ST8SIA5: variants seen among roughly 807,000 people sequenced by gnomAD.
ST8SIA5 encodes the protein ST8 alpha-N-acetyl-neuraminide alpha-2,8-sialyltransferase 5, also known as alpha-2,8-sialyltransferase 8E.
In ST8SIA5, 24 loss-of-function variants were observed where a neutral mutation model predicts 40.2. The ratio of observed to expected loss-of-function variants is 0.60; its 90% CI spans 0.43 to 0.84. The LOEUF (loss-of-function observed/expected upper bound fraction) is 0.84, where lower values mean the gene tolerates loss of function less well. ST8SIA5 is among the 40% of genes least tolerant of loss of function. ST8SIA5 has a pLI of 0.00. For synonymous variants in ST8SIA5, 198 were observed against 201.8 expected (o/e 0.98, Z 0.16); for missense variants, 465 against 498.5 (o/e 0.93, Z 0.64).
At chr18:46,701,840 C>T (rs1640830931) in intron 2 of ST8SIA5, among the ~76,000 whole-genome samples, 1 of 152,168 alleles carries the variant, frequency 6.6e-6, no homozygotes, top group Admixed American at 6.5e-5. Flanking sequence ...AGAAACTATA[C>T]ATTTTATAAT....
intron 2 of ST8SIA5, among the ~76,000 whole-genome samples, chr18:46,699,146 C>T (rs1306587766): frequency 1.3e-5 from 2 of 152,118 alleles, no homozygotes; most frequent in African/African-American, 2.4e-5. Context: ...ATGACAGAAG[C>T]GATAGGCTGG....
intron 1 of ST8SIA5, among the ~76,000 whole-genome samples, chr18:46,720,133 T>C (rs1390821130): frequency 6.6e-6 from 1 of 152,132 alleles, no homozygotes; most frequent in Non-Finnish European, 1.5e-5. Context: ...GCCACCATGC[T>C]TGGCTTTGAC....
chr18:46,725,723 T>C (rs2039911131), intron 1 of ST8SIA5, among the ~76,000 whole-genome samples: 1 of 151,914 alleles, frequency 6.6e-6, no homozygotes, highest in African/African-American at 2.4e-5. Context: ...CAATGTATTA[T>C]ATAATTTAAA....
At chr18:46,726,773 G>A (rs528812505) in intron 1 of ST8SIA5, among the ~76,000 whole-genome samples, 2 of 152,158 alleles carry the variant, frequency 1.3e-5, no homozygotes, top group South Asian at 4.2e-4. Flanking sequence ...AAAAAAATTA[G>A]CCCAGTGTGG....
At chr18:46,753,305 G>A (rs937330176) in intron 1 of ST8SIA5, among the ~76,000 whole-genome samples, 7 of 152,338 alleles carry the variant, frequency 4.6e-5, no homozygotes, top group Non-Finnish European at 7.3e-5. Flanking sequence ...GGGCGCAGTG[G>A]CTCATGCCTG....
chr18:46,701,510 C>T (rs1180005211), intron 2 of ST8SIA5, among the ~76,000 whole-genome samples: 2 of 151,980 alleles, frequency 1.3e-5, no homozygotes, highest in Non-Finnish European at 2.9e-5. Context: ...TGACTGATGC[C>T]CTTACAAAGA....
rs2042081570 is a variant in ST8SIA5 at position 46,674,340 on chromosome 18, G to A, written c.*5702C>T. On this transcript the variant is annotated 3_prime_UTR_variant, in exon 7 of 7. Coordinates refer to ENST00000315087, the MANE Select transcript of ST8SIA5 (RefSeq NM_013305.6). ...GGGAAAACAAAAAGAGGCTAGCCAAGCCCATAAGCCCCCACTAGACAGACA... is the reference window on the plus strand; with the variant it reads ...GGGAAAACAAAAAGAGGCTAGCCAAACCCATAAGCCCCCACTAGACAGACA... The A allele has an allele frequency of 6.6e-6, 1 of 152,212 alleles. No individual in the cohort carries two copies. The highest frequency in any genetic ancestry group is 1.5e-5 in the Non-Finnish European group (1 of 68,048). The allele number at this position is 152,212 out of a possible 1,614,324, so 9.4% of individuals were successfully genotyped here. A position where few individuals can be genotyped will look rare whatever the true frequency, so the allele number is the denominator to read the frequency against.
At chr18:46,728,843 T>A (rs558466902) in intron 1 of ST8SIA5, among the ~76,000 whole-genome samples, 1 of 152,292 alleles carries the variant, frequency 6.6e-6, no homozygotes, top group East Asian at 1.9e-4. Flanking sequence ...ATGCCTTCCC[T>A]GTCCAACGGC....
intron 1 of ST8SIA5, among the ~76,000 whole-genome samples, chr18:46,750,698 C>T (rs2040187566): frequency 6.6e-6 from 1 of 152,140 alleles, no homozygotes; most frequent in Non-Finnish European, 1.5e-5. Flanking sequence ...GTTTCCTTAA[C>T]ACCTCCCTCT....
At chr18:46,715,548 G>C (rs1599126988) in intron 1 of ST8SIA5, among the ~76,000 whole-genome samples, 1 of 135,384 alleles carries the variant, frequency 7.4e-6, no homozygotes, top group Admixed American at 8.3e-5. Context: ...GCACAGAAGT[G>C]ATCTATTTTT....
intron 5 of ST8SIA5, among the ~76,000 whole-genome samples, chr18:46,684,664 C>T (rs1026354518): frequency 6.6e-6 from 1 of 152,220 alleles, no homozygotes; most frequent in Non-Finnish European, 1.5e-5. Context: ...CTTTCATTCA[C>T]GCCTTCATTC....
At chr18:46,701,130 CTTTTTTTTTTTTTTT>C (rs755571106) in intron 2 of ST8SIA5, among the ~76,000 whole-genome samples, 2 of 45,794 alleles carry the variant, frequency 4.4e-5, no homozygotes, top group Non-Finnish European at 7.6e-5. Flanking sequence ...GAGATAGGGC[CTTTTTTTTTTTTTTT>C]TTTTTTTTTT....
At chr18:46,700,411 G>C (rs2039600600) in intron 2 of ST8SIA5, among the ~76,000 whole-genome samples, 1 of 152,164 alleles carries the variant, frequency 6.6e-6, no homozygotes, top group Non-Finnish European at 1.5e-5. Context: ...CTGAGGGTTG[G>C]ACCCTCTATG....
At chr18:46,716,713 G>C (rs905251075) in intron 1 of ST8SIA5, among the ~76,000 whole-genome samples, 2 of 152,254 alleles carry the variant, frequency 1.3e-5, no homozygotes, top group Admixed American at 1.3e-4. Context: ...AAAGCCAGAG[G>C]CTCCTCGGGA....
At chr18:46,697,183 C>A (rs2039565048) in intron 2 of ST8SIA5, among the ~76,000 whole-genome samples, 1 of 143,978 alleles carries the variant, frequency 6.9e-6, no homozygotes, top group Admixed American at 6.9e-5. Flanking sequence ...GTTCTAGCAA[C>A]AAAAGGGCCA....
At chr18:46,751,382 ATTT>A (rs764279945) in intron 1 of ST8SIA5, among the ~76,000 whole-genome samples, 4 of 150,892 alleles carry the variant, frequency 2.7e-5, no homozygotes, top group Admixed American at 2.6e-4. Context: ...TTATTTATTT[ATTT>A]AATTTTTAAA....
intron 1 of ST8SIA5, among the ~76,000 whole-genome samples, chr18:46,745,227 G>T (rs1471855829): frequency 6.6e-6 from 1 of 152,102 alleles, no homozygotes; most frequent in Non-Finnish European, 1.5e-5. Flanking sequence ...AAGCAGAACT[G>T]AAGGAGATAG....
chr18:46,721,404 G>A (rs1436047009), intron 1 of ST8SIA5: 56 of 1,535,984 alleles, frequency 3.6e-5, no homozygotes, highest in Non-Finnish European at 4.3e-5. Flanking sequence ...TGGATCATCC[G>A]TGACATTAAA....
At chr18:46,717,397 G>A (rs533612438) in intron 1 of ST8SIA5, among the ~76,000 whole-genome samples, 5 of 152,166 alleles carry the variant, frequency 3.3e-5, no homozygotes, top group East Asian at 1.9e-4. Flanking sequence ...GTGCAATGGC[G>A]TGATCTCAGC....
Sources: gnomAD v4.1 joint callset for allele counts (sites outside exome capture counted in the v4.1 genomes callset) on GRCh38, gnomAD v4.1.1 for gene constraint, MANE v1.5 for transcripts, NCBI Gene and HGNC (gene_info 2026-07-23, HGNC 2026-07-21) for gene names.